Variants in KCNH8 observed in about 807,000 individuals in gnomAD.
KCNH8 encodes the protein potassium voltage-gated channel subfamily H member 8.
A neutral mutation model predicts 103.6 loss-of-function variants in KCNH8; 70 were observed. The observed-to-expected ratio is 0.68, with a 90% CI of 0.56 to 0.82. KCNH8 has a LOEUF of 0.82. KCNH8 is among the 40% of genes least tolerant of loss of function. The pLI is 0.00. For synonymous variants in KCNH8, 498 were observed against 489.4 expected (o/e 1.02, Z -0.23); for missense variants, 1,217 against 1,329.9 (o/e 0.92, Z 1.32).
intron 2 of KCNH8, among the ~76,000 whole-genome samples, chr3:19,271,645 C>A (rs1197422401): frequency 1.3e-5 from 2 of 152,100 alleles, no homozygotes; most frequent in African/African-American, 4.8e-5. Flanking sequence ...TACTTCACAG[C>A]TCTTAACCCT....
intron 7 of KCNH8, among the ~76,000 whole-genome samples, chr3:19,397,207 A>G (rs1047571514): frequency 1.3e-5 from 2 of 151,874 alleles, no homozygotes; most frequent in African/African-American, 4.8e-5. Context: ...TTATGGTTCA[A>G]TGTAATGAGT....
intron 7 of KCNH8, among the ~76,000 whole-genome samples, chr3:19,420,483 G>A (rs2066934578): frequency 6.6e-6 from 1 of 152,086 alleles, no homozygotes; most frequent in African/African-American, 2.4e-5. Flanking sequence ...TTTATCATCT[G>A]CCCATAAAAT....
chr3:19,469,881 C>T (rs889069314), intron 11 of KCNH8, among the ~76,000 whole-genome samples: 2 of 151,992 alleles, frequency 1.3e-5, no homozygotes, highest in Admixed American at 6.6e-5. Context: ...TATTATTATC[C>T]ACCTTCTTCC....
At chr3:19,386,096 C>G (rs2066352411) in intron 5 of KCNH8, among the ~76,000 whole-genome samples, 1 of 151,976 alleles carries the variant, frequency 6.6e-6, no homozygotes, top group South Asian at 2.1e-4. Flanking sequence ...TTACATAGTT[C>G]TTGAGGAAAT....
intron 5 of KCNH8, among the ~76,000 whole-genome samples, chr3:19,379,911 A>C (rs2066266266): frequency 6.6e-6 from 1 of 152,212 alleles, no homozygotes; most frequent in African/African-American, 2.4e-5. Flanking sequence ...GGAGAAACAA[A>C]AAAACAGTAA....
chr3:19,400,603 A>G (rs115206141), intron 7 of KCNH8, among the ~76,000 whole-genome samples: 1,536 of 152,046 alleles, frequency 0.01, 24 homozygotes, highest in African/African-American at 0.035. Context: ...CAGATGCCTA[A>G]AAGTGTATCT....
At chr3:19,345,696 G>A (rs562728587) in intron 4 of KCNH8, among the ~76,000 whole-genome samples, 1 of 151,832 alleles carries the variant, frequency 6.6e-6, no homozygotes, top group South Asian at 2.1e-4. Flanking sequence ...TACAAAAGCT[G>A]GTGGAAGAAG....
intron 8 of KCNH8, among the ~76,000 whole-genome samples, chr3:19,439,152 T>A (rs1054523154): frequency 6.6e-6 from 1 of 152,138 alleles, no homozygotes; most frequent in Non-Finnish European, 1.5e-5. Flanking sequence ...CCAAATACAC[T>A]TACTTTGGAA....
chr3:19,374,493 C>G (rs1047084569), intron 5 of KCNH8, among the ~76,000 whole-genome samples: 1 of 150,754 alleles, frequency 6.6e-6, no homozygotes, highest in African/African-American at 2.4e-5. Context: ...TATTTTGAGC[C>G]TAGTCTCTGC....
rs1001464275 is a variant in KCNH8, at chr3:19,534,224, G to A, written c.*125G>A. 1 of 691,534 alleles carries A rather than the reference G, an allele frequency of 1.4e-6. No homozygotes were observed. Among genetic ancestry groups the A allele is most frequent in the Non-Finnish European group, 2.4e-6 (1 of 413,166 alleles). 42.8% of individuals were successfully genotyped at this position (691,534 alleles called of 1,614,324 possible). A position where few individuals can be genotyped will look rare whatever the true frequency, so the allele number is the denominator to read the frequency against. ...CTGGGAATCCTGCAGAAAAGAGTGT[G>A]AGGAGCCAGGGAAAGGCAGAACCAC... On this transcript the variant is annotated 3_prime_UTR_variant, in exon 16 of 16. Coordinates refer to ENST00000328405, the MANE Select transcript of KCNH8 (RefSeq NM_144633.3).
intron 1 of KCNH8, among the ~76,000 whole-genome samples, chr3:19,184,015 CA>C (rs763444184): frequency 1.8e-4 from 27 of 152,178 alleles, no homozygotes; most frequent in Non-Finnish European, 3.4e-4. Flanking sequence ...TCTGGGAGAG[CA>C]ATTTGTCAAG....
chr3:19,345,411 T>C (rs936982005), intron 4 of KCNH8, among the ~76,000 whole-genome samples: 13 of 152,080 alleles, frequency 8.5e-5, no homozygotes, highest in African/African-American at 3.1e-4. Context: ...AGGAAACAAT[T>C]ACCTTAATTA....
chr3:19,398,865 T>C (rs908714309), intron 7 of KCNH8, among the ~76,000 whole-genome samples: 3 of 152,142 alleles, frequency 2.0e-5, no homozygotes, highest in South Asian at 2.1e-4. Context: ...TGAATACTTA[T>C]CATTTTATGT....
intron 1 of KCNH8, among the ~76,000 whole-genome samples, chr3:19,184,044 A>G (rs909581538): frequency 1.3e-5 from 2 of 152,140 alleles, no homozygotes; most frequent in African/African-American, 2.4e-5. Context: ...AAACTTGAAC[A>G]TAAGCATGCT....
chr3:19,491,160 TGA>T (rs2068312171), intron 11 of KCNH8, among the ~76,000 whole-genome samples: 1 of 152,146 alleles, frequency 6.6e-6, no homozygotes, highest in Non-Finnish European at 1.5e-5. Context: ...TATATATGTG[TGA>T]GTGTGTGTGT....
intron 7 of KCNH8, among the ~76,000 whole-genome samples, chr3:19,435,344 T>C (rs758412324): frequency 1.3e-5 from 2 of 152,274 alleles, no homozygotes; most frequent in East Asian, 3.9e-4. Flanking sequence ...ATCTTTAAAG[T>C]AGAGATAACA....
At chr3:19,324,236 C>A (rs1421955016) in intron 3 of KCNH8, among the ~76,000 whole-genome samples, 1 of 151,902 alleles carries the variant, frequency 6.6e-6, no homozygotes, top group South Asian at 2.1e-4. Context: ...AGAGACTGGG[C>A]AATTTATAAA....
intron 1 of KCNH8, among the ~76,000 whole-genome samples, chr3:19,204,417 G>T (rs1388478053): frequency 6.6e-6 from 1 of 150,766 alleles, no homozygotes. Context: ...TGCTGGGAGT[G>T]GGGGAAGAGA....
intron 11 of KCNH8, among the ~76,000 whole-genome samples, chr3:19,458,677 A>G (rs1246604833): frequency 6.6e-6 from 1 of 151,996 alleles, no homozygotes; most frequent in Admixed American, 6.6e-5. Flanking sequence ...ACCATGTTGT[A>G]CAACAGATCT....
Sources: gnomAD v4.1 joint callset for allele counts (sites outside exome capture counted in the v4.1 genomes callset) on GRCh38, gnomAD v4.1.1 for gene constraint, MANE v1.5 for transcripts, NCBI Gene and HGNC (gene_info 2026-07-23, HGNC 2026-07-21) for gene names.